The following CSMD3 variants were observed in gnomAD, a reference collection of about 807,000 sequenced individuals.
CSMD3 encodes CUB and Sushi multiple domains 3, also known as CUB and sushi domain-containing protein 3.
CSMD3 carries 177 observed loss-of-function variants against 435.2 expected under a neutral mutation model. The ratio of observed to expected loss-of-function variants is 0.41; its 90% CI spans 0.36 to 0.46. The LOEUF (loss-of-function observed/expected upper bound fraction) is 0.46, where lower values mean the gene tolerates loss of function less well. Among genes scored for constraint, CSMD3 ranks in the 20% least tolerant of loss-of-function variants. CSMD3 has a pLI of 0.34. For missense variants in CSMD3, 4,265 were observed against 4,504.6 expected, an observed-to-expected ratio of 0.95 and a Z score of 1.52; for synonymous variants, 1,656 against 1,520.5, an observed-to-expected ratio of 1.09 and a Z score of -2.07.
At chr8:112,836,127 G>T (rs548460422) in intron 11 of CSMD3, among the ~76,000 whole-genome samples, 25 of 151,798 alleles carry the variant, frequency 1.6e-4, no homozygotes, top group Non-Finnish European at 2.9e-4. Flanking sequence ...ATCACTTAGG[G>T]ATTCTGGACA....
intron 13 of CSMD3, among the ~76,000 whole-genome samples, chr8:112,734,029 C>T (rs2077131922): frequency 6.6e-6 from 1 of 151,830 alleles, no homozygotes; most frequent in African/African-American, 2.4e-5. Flanking sequence ...TGGAAGACTG[C>T]CAAATTACCA....
At chr8:112,229,407 C>CT (rs77755893) in intron 69 of CSMD3, among the ~76,000 whole-genome samples, 17 of 150,226 alleles carry the variant, frequency 1.1e-4, no homozygotes, top group South Asian at 6.3e-4. Context: ...CGAACTCAAA[C>CT]TTTTTTTTTT....
At chr8:112,971,619 C>T (rs1418736348) in intron 7 of CSMD3, among the ~76,000 whole-genome samples, 1 of 152,138 alleles carries the variant, frequency 6.6e-6, no homozygotes, top group Non-Finnish European at 1.5e-5. Flanking sequence ...CAAACTCTCA[C>T]ACATAGTAGT....
intron 45 of CSMD3, among the ~76,000 whole-genome samples, chr8:112,331,324 T>C (rs1377001032): frequency 2.0e-5 from 3 of 151,968 alleles, no homozygotes; most frequent in East Asian, 1.9e-4. Context: ...ATCATAATTA[T>C]AGCAACACAA....
intron 13 of CSMD3, among the ~76,000 whole-genome samples, chr8:112,727,889 G>A (rs2076998720): frequency 6.6e-6 from 1 of 151,720 alleles, no homozygotes; most frequent in Non-Finnish European, 1.5e-5. Context: ...AAAAAACATA[G>A]CGTAATTTTG....
chr8:112,383,714 A>G (rs2131256528), intron 36 of CSMD3, 51 bp from the exon 37 acceptor site: 2 of 1,073,466 alleles, frequency 1.9e-6, no homozygotes, highest in Non-Finnish European at 2.9e-6. Flanking sequence ...CCAGATACAC[A>G]TAACTATAGT....
intron 13 of CSMD3, among the ~76,000 whole-genome samples, chr8:112,716,833 C>A (rs2076741659): frequency 6.6e-6 from 1 of 152,132 alleles, no homozygotes; most frequent in Admixed American, 6.6e-5. Context: ...GTAAAGAATT[C>A]CCTATTTAAT....
chr8:112,557,041 T>C, intron 24 of CSMD3, 87 bp from the exon 25 acceptor site: 1 of 835,618 alleles, frequency 1.2e-6, no homozygotes. Context: ...TTACTATTTT[T>C]GATGATTACA....
chr8:113,219,281 G>C (rs2092940899), intron 3 of CSMD3, among the ~76,000 whole-genome samples: 1 of 151,110 alleles, frequency 6.6e-6, no homozygotes. Flanking sequence ...GAGAAGAGAA[G>C]TAAAACTATA....
At chr8:112,719,464 G>A (rs984096527) in intron 13 of CSMD3, among the ~76,000 whole-genome samples, 1 of 152,110 alleles carries the variant, frequency 6.6e-6, no homozygotes, top group African/African-American at 2.4e-5. Flanking sequence ...TAAGATCGGG[G>A]TGCTGGCAGC....
chr8:113,318,802 G>A (rs1351710503), intron 1 of CSMD3, among the ~76,000 whole-genome samples: 2 of 151,396 alleles, frequency 1.3e-5, no homozygotes, highest in Non-Finnish European at 3.0e-5. Flanking sequence ...GTGTGTGTGT[G>A]TGTGTGTGTG....
intron 38 of CSMD3, among the ~76,000 whole-genome samples, chr8:112,366,218 G>T (rs1827769325): frequency 6.6e-6 from 1 of 152,108 alleles, no homozygotes; most frequent in Non-Finnish European, 1.5e-5. Flanking sequence ...TGACTTTCTG[G>T]AGAAACCAAG....
At chr8:113,280,131 T>C (rs1251600945) in intron 2 of CSMD3, among the ~76,000 whole-genome samples, 1 of 151,834 alleles carries the variant, frequency 6.6e-6, no homozygotes, top group East Asian at 1.9e-4. Flanking sequence ...AGTTTCCTTT[T>C]TTGGTTATGT....
chr8:112,746,593 A>C (rs1051178108), intron 13 of CSMD3, among the ~76,000 whole-genome samples: 1 of 152,074 alleles, frequency 6.6e-6, no homozygotes, highest in Non-Finnish European at 1.5e-5. Flanking sequence ...TGATGTAATT[A>C]GTACCTCTTT....
intron 3 of CSMD3, among the ~76,000 whole-genome samples, chr8:113,212,654 C>T (rs1172553747): frequency 4.6e-5 from 7 of 151,776 alleles, no homozygotes; most frequent in East Asian, 3.9e-4. Flanking sequence ...AACCAAACAC[C>T]GCATGTTCTC....
At chr8:113,035,557 T>C (rs1224908373) in intron 5 of CSMD3, among the ~76,000 whole-genome samples, 1 of 152,006 alleles carries the variant, frequency 6.6e-6, no homozygotes, top group Non-Finnish European at 1.5e-5. Context: ...ATATTTAATA[T>C]CTTTATTGCA....
chr8:112,826,594 C>G (rs968925153), intron 12 of CSMD3, among the ~76,000 whole-genome samples: 1 of 152,188 alleles, frequency 6.6e-6, no homozygotes, highest in Admixed American at 6.5e-5. Flanking sequence ...CCATGTGGCT[C>G]TCAGGTGGGC....
At chr8:112,866,027 T>C (rs1272717492) in intron 10 of CSMD3, among the ~76,000 whole-genome samples, 2 of 152,200 alleles carry the variant, frequency 1.3e-5, no homozygotes, top group Non-Finnish European at 1.5e-5. Context: ...TCATTAACAT[T>C]GTGTGAACAA....
At chr8:112,550,616 A>C in intron 27 of CSMD3, 55 bp downstream of exon 27, 2 of 913,756 alleles carry the variant, frequency 2.2e-6, no homozygotes, top group South Asian at 2.7e-5. Context: ...AGTTAACATG[A>C]CTATTTACAT....
Sources: allele counts gnomAD v4.1 joint callset (sites outside exome capture counted in the v4.1 genomes callset), GRCh38; gene constraint gnomAD v4.1.1; transcripts MANE v1.5; gene names NCBI Gene and HGNC (gene_info 2026-07-23, HGNC 2026-07-21).